Variants in TNS3 observed in about 807,000 individuals in gnomAD.
TNS3 encodes the protein tensin 3.
Under a neutral mutation model 140.9 loss-of-function variants are expected in TNS3, and 45 were observed. That is an observed-to-expected ratio of 0.32 (90% CI 0.25 to 0.41). The LOEUF (loss-of-function observed/expected upper bound fraction) is 0.41. TNS3 is among the 10% of genes least tolerant of loss of function. TNS3 has a pLI of 1.00. For missense variants in TNS3, 1,716 were observed against 1,906.7 expected (o/e 0.90, Z 1.86); for synonymous variants, 815 against 788.4 (o/e 1.03, Z -0.56).
At position 47,400,927 on chromosome 7, in the gene TNS3, GACAAA is replaced by G. The variant is rs534398900; in HGVS notation, c.724-18_724-14del. The G allele has an allele frequency of 6.2e-7, 1 of 1,613,958 alleles. No homozygotes were observed. The highest frequency in any genetic ancestry group is 8.5e-7 in the Non-Finnish European group (1 of 1,179,854). ...GGTAGCATTTCACCTGGGTTAGAGAGACAAAACAAAACAAAGTAGCTGCAGCGGGG... is the reference window on the plus strand; with the variant it reads ...GGTAGCATTTCACCTGGGTTAGAGAGACAAAACAAAGTAGCTGCAGCGGGG... On this transcript the variant is annotated splice_polypyrimidine_tract_variant and intron_variant, in intron 13 of 30. Transcript: ENST00000311160.
intron 5 of TNS3, among the ~76,000 whole-genome samples, chr7:47,440,578 A>G (rs564757549): frequency 1.1e-4 from 16 of 152,252 alleles, no homozygotes; most frequent in Admixed American, 2.6e-4. Flanking sequence ...CAGGCACCCA[A>G]TGTGACTGGA....
At position 47,389,116 on chromosome 7, in the gene TNS3, A is replaced by AGCG. The variant is rs1562675748; in HGVS notation, c.1024+7683_1024+7684insCGC. 7.3e-3 allele frequency among the ~76,000 whole-genome samples: 57 copies of AGCG among 7,790 alleles called. 17 individuals are homozygous for AGCG. Among genetic ancestry groups the AGCG allele is most frequent in the Non-Finnish European group, 0.024 (46 of 1,916 alleles). 5.1% of individuals were successfully genotyped at this position (7,790 alleles called of 152,430 possible). On this transcript the variant is annotated intron_variant, in intron 16 of 30. Transcript: ENST00000311160. ...AGGAAGAGGAAGCGGAAGCAGAAGA[A>AGCG]GAAGAAGAAGAAGAAGAAGAAGAAG... is the stretch of plus-strand genomic sequence containing the variant.
intron 1 of TNS3, among the ~76,000 whole-genome samples, chr7:47,552,029 AG>A (rs1030253044): frequency 6.6e-6 from 1 of 152,130 alleles, no homozygotes; most frequent in Non-Finnish European, 1.5e-5. Flanking sequence ...GACATTGAAA[AG>A]GGGCGGCATT....
At chr7:47,289,290 A>G (rs1454242043) in intron 27 of TNS3, among the ~76,000 whole-genome samples, 1 of 152,192 alleles carries the variant, frequency 6.6e-6, no homozygotes, top group African/African-American at 2.4e-5. Flanking sequence ...TTTCTACCAG[A>G]CTCAGAAATT....
intron 3 of TNS3, among the ~76,000 whole-genome samples, chr7:47,500,965 A>G (rs1272646757): frequency 6.6e-6 from 1 of 152,160 alleles, no homozygotes; most frequent in Non-Finnish European, 1.5e-5. Context: ...GCACACGCCT[A>G]TAACCCCAGC....
In TNS3 at chr7:47,511,117, C is replaced by A. The variant is rs11489414; in HGVS notation, c.-152-4173G>T. 9.8e-3 allele frequency among the ~76,000 whole-genome samples: 1,496 copies of A among 152,268 alleles called. 23 individuals carry two copies. The highest frequency in any genetic ancestry group is 0.034 in the African/African-American group (1,412 of 41,544). ...AGGCCAGTGGATTTTAATAAAACAG[C>A]GTAGGAAAAACTCTACTGACACAAT... On this transcript the variant is annotated intron_variant, in intron 2 of 30. Coordinates refer to ENST00000311160, the MANE Select transcript of TNS3 (RefSeq NM_022748.12).
At chr7:47,553,163 C>T (rs946582014) in intron 1 of TNS3, among the ~76,000 whole-genome samples, 5 of 152,184 alleles carry the variant, frequency 3.3e-5, no homozygotes, top group Non-Finnish European at 5.9e-5. Context: ...GTAAACAAGC[C>T]GTCTCCATAA....
intron 17 of TNS3, among the ~76,000 whole-genome samples, chr7:47,357,363 C>G (rs987048636): frequency 1.3e-5 from 2 of 152,104 alleles, no homozygotes; most frequent in Non-Finnish European, 2.9e-5. Context: ...GAGCTTGAGG[C>G]CTCCAGACTT....
At chr7:47,401,063 TGGG>T in intron 13 of TNS3, 149 bp from the exon 14 acceptor site, 1 of 1,215,226 alleles carries the variant, frequency 8.2e-7, no homozygotes, top group Non-Finnish European at 1.1e-6. Context: ...ACTTCAGCCC[TGGG>T]GCACAGGCGC....
chr7:47,396,715 A>G, intron 16 of TNS3, 85 bp downstream of exon 16: 1 of 1,150,156 alleles, frequency 8.7e-7, no homozygotes, highest in Non-Finnish European at 1.3e-6. Flanking sequence ...TTCTTAGCAG[A>G]CTGCAAAATA....
intron 18 of TNS3, among the ~76,000 whole-genome samples, chr7:47,345,863 A>C (rs1314428927): frequency 6.6e-6 from 1 of 152,224 alleles, no homozygotes. Flanking sequence ...CAACCCACCC[A>C]CATGCTGTGC....
intron 4 of TNS3, among the ~76,000 whole-genome samples, chr7:47,467,291 T>G (rs1413992567): frequency 6.6e-6 from 1 of 152,222 alleles, no homozygotes; most frequent in Non-Finnish European, 1.5e-5. Context: ...AAGTGTTAGT[T>G]AAGTAGAGAA....
rs528703270 is a variant in TNS3 at position 47,581,145 on chromosome 7, ACACT to A, written c.-265+902_-265+905del. ...ACGCCTGAATCTCTTCCCGCCACAG[ACACT>A]CAAATCACTCCAAGCAAAGGACCCG... On this transcript the variant is annotated intron_variant, in intron 1 of 30. Coordinates refer to ENST00000311160, the MANE Select transcript of TNS3 (RefSeq NM_022748.12). 9.7e-4 allele frequency among the ~76,000 whole-genome samples: 148 copies of A among 152,140 alleles called. 1 individual carries two copies. Among genetic ancestry groups the A allele is most frequent in the African/African-American group, 3.5e-3 (144 of 41,524 alleles).
chr7:47,368,857 C>G lies in TNS3; in HGVS notation c.1789G>C (p.Val597Leu). 1 of 1,613,672 alleles carries G rather than the reference C, an allele frequency of 6.2e-7. No individual in the cohort carries two copies. Among genetic ancestry groups the G allele is most frequent in the Middle Eastern group, 1.7e-4 (1 of 6,060 alleles). ...QTWVRQQQMV[V>L]AHQYSFAPDG... Reference sequence around the variant, plus strand: ...GGGGCGAAGCTATACTGGTGAGCTACAACCATCTGCTGCTGGCGCACCCAG... The same window carrying G: ...GGGGCGAAGCTATACTGGTGAGCTAGAACCATCTGCTGCTGGCGCACCCAG... The change falls in exon 17 of 31, where the codon GTA becomes CTA. Residue 597 changes from valine to leucine, a missense_variant. Val to Leu is a conservative substitution (Grantham distance 32). This residue lies in a region of TNS3 where 1,163 missense variants were observed against 1,182.1 expected (regional missense o/e 0.98). Coordinates refer to ENST00000311160, the MANE Select transcript of TNS3 (RefSeq NM_022748.12).
intron 13 of TNS3, among the ~76,000 whole-genome samples, chr7:47,406,053 C>A (rs985818641): frequency 6.6e-5 from 10 of 152,152 alleles, no homozygotes; most frequent in African/African-American, 2.4e-4. Context: ...GAGCCCGCTG[C>A]CCGCATGAAT....
intron 15 of TNS3, among the ~76,000 whole-genome samples, chr7:47,397,244 A>G (rs972535693): frequency 1.3e-5 from 2 of 152,174 alleles, no homozygotes; most frequent in African/African-American, 4.8e-5. Flanking sequence ...CTCAGAGTCC[A>G]CAGATTTGAA....
At chr7:47,351,590 A>G (rs1190282387) in intron 17 of TNS3, among the ~76,000 whole-genome samples, 1 of 152,096 alleles carries the variant, frequency 6.6e-6, no homozygotes, top group African/African-American at 2.4e-5. Flanking sequence ...GTGGAACAGA[A>G]TCCAGTCAAG....
Position 47,280,305 on chromosome 7 carries a change from A to C in TNS3, c.4147T>G (p.Leu1383Val). Residue 1383 changes from leucine to valine, a missense_variant, in exon 29 of 31, where the codon TTG becomes GTG. Transcript: ENST00000311160. Reference sequence around the variant, plus strand: ...TCTTACTTCCTGTCTTGTGGGTCCAAGGCACAGAAAATCACACTGTTCACG... The same window carrying C: ...TCTTACTTCCTGTCTTGTGGGTCCACGGCACAGAAAATCACACTGTTCACG... ...YPVNSVIFCA[L>V]DPQDRKWIKD... 6.2e-7 allele frequency: 1 copy of C among 1,614,196 alleles called. No homozygotes were observed. The highest frequency in any genetic ancestry group is 2.2e-5 in the East Asian group (1 of 44,888).
At chr7:47,297,633 T>C (rs1233296185) in intron 23 of TNS3, among the ~76,000 whole-genome samples, 1 of 151,770 alleles carries the variant, frequency 6.6e-6, no homozygotes, top group Non-Finnish European at 1.5e-5. Flanking sequence ...CAAGACCAGA[T>C]CCAAATATAC....
Sources: allele counts gnomAD v4.1 joint callset (sites outside exome capture counted in the v4.1 genomes callset), GRCh38; gene constraint gnomAD v4.1.1; regional missense constraint gnomAD v4.1.1; transcripts MANE v1.5; gene names NCBI Gene and HGNC (gene_info 2026-07-23, HGNC 2026-07-21).